EEPD1: variants seen among roughly 807,000 people sequenced by gnomAD.
EEPD1 encodes endonuclease/exonuclease/phosphatase family domain-containing protein 1.
In EEPD1, 17 loss-of-function variants were observed where a neutral mutation model predicts 46.3. The observed-to-expected ratio is 0.37, with a 90% confidence interval of 0.25 to 0.55. The LOEUF (loss-of-function observed/expected upper bound fraction) is 0.55, where lower values mean the gene tolerates loss of function less well. Ranked by LOEUF, EEPD1 falls within the 20% of genes least tolerant of loss-of-function variation. The pLI is 0.83. For missense variants in EEPD1, 673 were observed against 745.6 expected, an observed-to-expected ratio of 0.90 and a Z score of 1.13; for synonymous variants, 313 against 315.6, an observed-to-expected ratio of 0.99 and a Z score of 0.09.
At chr7:36,197,302 C>A (rs1192044170) in intron 2 of EEPD1, among the ~76,000 whole-genome samples, 2 of 150,410 alleles carry the variant, frequency 1.3e-5, no homozygotes, top group Non-Finnish European at 3.0e-5. Flanking sequence ...GGGGGTCAGC[C>A]CCCCGCCCGG....
In EEPD1 at chr7:36,299,230, C is replaced by T. The variant is rs779441923; in HGVS notation, c.*24C>T. ...GATGACACCAAATCCATGTGTCCACCCTGGGACCCAGGAGGGCACAGCCAA... is the reference window on the plus strand; with the variant it reads ...GATGACACCAAATCCATGTGTCCACTCTGGGACCCAGGAGGGCACAGCCAA... On this transcript the variant is annotated 3_prime_UTR_variant, in exon 8 of 8. Coordinates refer to ENST00000242108, the MANE Select transcript of EEPD1 (RefSeq NM_030636.3). The T allele has an allele frequency of 2.5e-6, 4 of 1,609,176 alleles. No homozygotes were observed. The highest frequency in any genetic ancestry group is 3.4e-6 in the Non-Finnish European group (4 of 1,177,496).
rs70977115 is a variant in EEPD1, at chr7:36,193,298, GT to G, written c.878+38098del. Among the ~76,000 whole-genome samples, 21,525 of 152,204 alleles carry G rather than the reference GT, an allele frequency of 0.14. 1,628 individuals are homozygous for G. The highest frequency in any genetic ancestry group is 0.17 in the Non-Finnish European group (11,289 of 67,986). On this transcript the variant is annotated intron_variant, in intron 2 of 7. Transcript: ENST00000242108. The surrounding 1 kb of genome is among the most constrained non-coding windows in gnomAD (Gnocchi z 4.9). Reference sequence around the variant, plus strand: ...ATGGAGAAGAGGCCCAGAGAGCAGAGTTCCCGAGAGGGAGAGTGTGCAGAAG... The same window carrying G: ...ATGGAGAAGAGGCCCAGAGAGCAGAGTCCCGAGAGGGAGAGTGTGCAGAAG...
intron 3 of EEPD1, among the ~76,000 whole-genome samples, chr7:36,279,789 C>T (rs1787233198): frequency 1.3e-5 from 2 of 152,230 alleles, no homozygotes; most frequent in African/African-American, 2.4e-5. Context: ...ATTTCTAGCA[C>T]GTTCTCAGGT....
chr7:36,197,417 C>T (rs1418829798), intron 2 of EEPD1, among the ~76,000 whole-genome samples: 2 of 152,192 alleles, frequency 1.3e-5, no homozygotes, highest in Non-Finnish European at 1.5e-5. Context: ...GAGGTGTACC[C>T]AACAGCTCAT....
intron 2 of EEPD1, among the ~76,000 whole-genome samples, chr7:36,197,702 A>G (rs536395824): frequency 4.1e-4 from 63 of 152,206 alleles, no homozygotes; most frequent in Middle Eastern, 3.4e-3. Context: ...TGTTAAACAG[A>G]TGCTTGAAGG....
At chr7:36,226,359 C>T (rs1190228263) in intron 2 of EEPD1, among the ~76,000 whole-genome samples, 1 of 152,288 alleles carries the variant, frequency 6.6e-6, no homozygotes, top group South Asian at 2.1e-4. Flanking sequence ...CCTTAGTCAC[C>T]TCTGCTCCCG....
intron 2 of EEPD1, among the ~76,000 whole-genome samples, chr7:36,213,670 GT>G (rs1245960317): frequency 6.6e-6 from 1 of 152,282 alleles, no homozygotes; most frequent in South Asian, 2.1e-4. Flanking sequence ...CACTGCTTCA[GT>G]GTGACTCCAC....
intron 2 of EEPD1, among the ~76,000 whole-genome samples, chr7:36,169,900 C>CT (rs966780660): frequency 3.3e-5 from 5 of 152,160 alleles, no homozygotes; most frequent in South Asian, 2.1e-4. Context: ...AAGTTTAGCA[C>CT]TTTTTTTATC....
At position 36,300,314 on chromosome 7, in the gene EEPD1, G is replaced by A. The variant is rs1787600210; in HGVS notation, c.*1108G>A. On this transcript the variant is annotated 3_prime_UTR_variant, in exon 8 of 8. Coordinates refer to ENST00000242108, the MANE Select transcript of EEPD1 (RefSeq NM_030636.3). ...ATCTGCATCCCCGAGCCCAAGCCAG[G>A]AGGGATTTCCCTTAGGCAACACCAT... 6.6e-6 allele frequency: 1 copy of A among 152,228 alleles called. No homozygotes were observed. The highest frequency in any genetic ancestry group is 1.5e-5 in the Non-Finnish European group (1 of 68,050). 9.4% of individuals were successfully genotyped at this position (152,228 alleles called of 1,614,324 possible).
At chr7:36,279,328 A>G (rs1787226540) in intron 3 of EEPD1, among the ~76,000 whole-genome samples, 1 of 152,100 alleles carries the variant, frequency 6.6e-6, no homozygotes, top group East Asian at 1.9e-4. Flanking sequence ...ACTAACTGTA[A>G]AAGCAGCGTC....
intron 2 of EEPD1, among the ~76,000 whole-genome samples, chr7:36,156,506 C>G (rs1394426216): frequency 6.6e-6 from 1 of 152,132 alleles, no homozygotes; most frequent in African/African-American, 2.4e-5. Flanking sequence ...GATAATTGTT[C>G]TCTTTATCCA....
chr7:36,286,570 C>G (rs1270676996), intron 5 of EEPD1, among the ~76,000 whole-genome samples: 1 of 152,252 alleles, frequency 6.6e-6, no homozygotes, highest in African/African-American at 2.4e-5. Flanking sequence ...TGTTTCTGCA[C>G]TTGCCCTTGG....
intron 6 of EEPD1, among the ~76,000 whole-genome samples, chr7:36,294,561 G>A (rs900299491): frequency 2.6e-5 from 4 of 152,160 alleles, no homozygotes; most frequent in Non-Finnish European, 5.9e-5. Context: ...AACTTAGTGG[G>A]TATTCGTTTG....
chr7:36,297,793 C>G (rs2115906672), intron 7 of EEPD1, among the ~76,000 whole-genome samples: 1 of 152,292 alleles, frequency 6.6e-6, no homozygotes, highest in South Asian at 2.1e-4. Context: ...TGATTTCACC[C>G]TCTCTGCAGA....
At chr7:36,215,051 G>C (rs1198956975) in intron 2 of EEPD1, among the ~76,000 whole-genome samples, 1 of 152,214 alleles carries the variant, frequency 6.6e-6, no homozygotes, top group Non-Finnish European at 1.5e-5. Context: ...TGTAGACTAT[G>C]AGGGACCAGA....
chr7:36,197,130 G>A (rs1486352519), intron 2 of EEPD1, among the ~76,000 whole-genome samples: 1 of 148,512 alleles, frequency 6.7e-6, no homozygotes, highest in Admixed American at 6.6e-5. Flanking sequence ...GAGACCCTCC[G>A]CCTGGCAACC....
chr7:36,204,754 G>T (rs1170538948), intron 2 of EEPD1, among the ~76,000 whole-genome samples: 2 of 152,166 alleles, frequency 1.3e-5, no homozygotes, highest in African/African-American at 4.8e-5. Context: ...TATTCCGGAA[G>T]GCCTCCCGGA....
rs568557483 is a variant in EEPD1 at position 36,242,884 on chromosome 7, G to A, written c.930+3848G>A. 4.0e-5 allele frequency among the ~76,000 whole-genome samples: 6 copies of A among 151,648 alleles called. 1 individual carries two copies. The highest frequency in any genetic ancestry group is 3.9e-4 in the East Asian group (2 of 5,148). On this transcript the variant is annotated intron_variant, in intron 3 of 7. Transcript: ENST00000242108. The stretch of plus-strand genomic sequence containing the variant: ...GTGGAGGTTGCAGTGAGCCGAGATC[G>A]CCCCACTGCACTCCAGCCTGGGCAA...
chr7:36,278,076 C>T (rs548850938), intron 3 of EEPD1, among the ~76,000 whole-genome samples: 3 of 152,302 alleles, frequency 2.0e-5, no homozygotes, highest in African/African-American at 7.2e-5. Context: ...TTCTAGGCCC[C>T]GCCCCTGAGA....
Sources: allele counts gnomAD v4.1 joint callset (sites outside exome capture counted in the v4.1 genomes callset), GRCh38; gene constraint gnomAD v4.1.1; non-coding constraint Gnocchi (gnomAD v3.1); transcripts MANE v1.5; gene names NCBI Gene and HGNC (gene_info 2026-07-23, HGNC 2026-07-21).